SVIP: variants seen among roughly 807,000 people sequenced by gnomAD.
SVIP encodes the protein small VCP interacting protein.
In SVIP, 14 loss-of-function variants were observed where a neutral mutation model predicts 12.9. The observed-to-expected ratio is 1.08, with a 90% CI of 0.72 to 1.70. SVIP has a LOEUF of 1.70. Among genes scored for constraint, SVIP ranks in the 40% most tolerant of loss-of-function variants. The pLI is 0.00. For synonymous variants in SVIP, 35 were observed against 33.3 expected (o/e 1.05, Z -0.17); for missense variants, 93 against 90.8 (o/e 1.02, Z -0.10).
At chr11:22,827,736 G>T in intron 2 of SVIP, 88 bp downstream of exon 2, 1 of 1,043,348 alleles carries the variant, frequency 9.6e-7, no homozygotes, top group Non-Finnish European at 1.4e-6. Flanking sequence ...AAGGCCATTT[G>T]CGTTAGAAAA....
At chr11:22,828,774 T>G (rs1049850275) in intron 1 of SVIP, among the ~76,000 whole-genome samples, 3 of 152,184 alleles carry the variant, frequency 2.0e-5, no homozygotes, top group Admixed American at 2.0e-4. Flanking sequence ...CACATCAAAT[T>G]TATAAGTACT....
At position 22,820,728 on chromosome 11, in the gene SVIP, C is replaced by T. The variant is rs1311358742; in HGVS notation, c.*2391G>A. ...ACCAGCAGTGGAACAAACAGAAACA[C>T]AGAGATGTTTTAAAAAACATGCAGC... is the stretch of plus-strand genomic sequence containing the variant. On this transcript the variant is annotated 3_prime_UTR_variant, in exon 4 of 4. Coordinates refer to ENST00000354193, the MANE Select transcript of SVIP (RefSeq NM_148893.3). 6.6e-6 allele frequency: 1 copy of T among 152,046 alleles called. No individual in the cohort carries two copies. The highest frequency in any genetic ancestry group is 1.5e-5 in the Non-Finnish European group (1 of 67,994). 9.4% of individuals were successfully genotyped at this position (152,046 alleles called of 1,614,324 possible). A position where few individuals can be genotyped will look rare whatever the true frequency, so the allele number is the denominator to read the frequency against.
At chr11:22,823,806 C>A (rs572422231) in intron 3 of SVIP, among the ~76,000 whole-genome samples, 1 of 152,212 alleles carries the variant, frequency 6.6e-6, no homozygotes, top group African/African-American at 2.4e-5. Context: ...CTCACTGCAG[C>A]CTTAACCTCG....
rs748176418 is a variant in SVIP at position 22,823,068 on chromosome 11, T to G, written c.*51A>C. 7 of 1,483,010 alleles carry G rather than the reference T, an allele frequency of 4.7e-6. No individual in the cohort carries two copies. The highest frequency in any genetic ancestry group is 5.5e-6 in the Non-Finnish European group (6 of 1,089,378). 91.9% of individuals were successfully genotyped at this position (1,483,010 alleles called of 1,614,324 possible). ...ATTAAATTGATGAAGCCCACTTGAT[T>G]GCAGATAATAAACAGTTATTGGCAG... On this transcript the variant is annotated 3_prime_UTR_variant, in exon 4 of 4. Coordinates refer to ENST00000354193, the MANE Select transcript of SVIP (RefSeq NM_148893.3).
chr11:22,826,476 ATAC>A (rs1409527539), intron 3 of SVIP, among the ~76,000 whole-genome samples: 4 of 152,206 alleles, frequency 2.6e-5, no homozygotes. Context: ...TTTCACAAAT[ATAC>A]TACTATTTAC....
chr11:22,823,212 A>C, intron 3 of SVIP, 79 bp from the exon 4 acceptor site: 1 of 1,052,760 alleles, frequency 9.5e-7, no homozygotes, highest in Non-Finnish European at 1.4e-6. Context: ...CAAACAGGTA[A>C]AAAGAGGAAT....
chr11:22,824,445 C>CAT (rs1353475307), intron 3 of SVIP, among the ~76,000 whole-genome samples: 40 of 105,980 alleles, frequency 3.8e-4, no homozygotes, highest in African/African-American at 1.0e-3. Flanking sequence ...TACACACACA[C>CAT]ATATATATAT....
chr11:22,825,562 G>A (rs571898094), intron 3 of SVIP, among the ~76,000 whole-genome samples: 1 of 152,206 alleles, frequency 6.6e-6, no homozygotes, highest in Admixed American at 6.5e-5. Flanking sequence ...TTTCTTACAA[G>A]AACAGTACAC....
intron 3 of SVIP, 73 bp downstream of exon 3, chr11:22,827,134 T>A: frequency 1.7e-6 from 2 of 1,162,154 alleles, no homozygotes; most frequent in Non-Finnish European, 2.5e-6. Flanking sequence ...AGGAGAAAAT[T>A]ATGAATGGAT....
chr11:22,827,153 A>T, intron 3 of SVIP, 54 bp downstream of exon 3: 2 of 1,350,078 alleles, frequency 1.5e-6, no homozygotes, highest in Non-Finnish European at 2.1e-6. Context: ...ATTGCTACTT[A>T]AGTTTTTTTA....
rs533432524 is a variant in SVIP, at chr11:22,822,399, A to G, written c.*720T>C. The G allele has an allele frequency of 1.7e-4, 26 of 152,286 alleles. No homozygotes were observed. Among genetic ancestry groups the G allele is most frequent in the Admixed American group, 1.5e-3 (23 of 15,304 alleles). 9.4% of individuals were successfully genotyped at this position (152,286 alleles called of 1,614,324 possible). A position where few individuals can be genotyped will look rare whatever the true frequency, so the allele number is the denominator to read the frequency against. The stretch of plus-strand genomic sequence containing the variant: ...TTTAACTCATTCAATTACTACAAAG[A>G]TCCTTACAGAGCTGAATTTAATATA... On this transcript the variant is annotated 3_prime_UTR_variant, in exon 4 of 4. Transcript: ENST00000354193.
In SVIP at chr11:22,829,720, T is replaced by C; in HGVS notation, c.29A>G (p.Glu10Gly). Reference protein sequence around the residue: MGLCFPCPGESAPPTPDLEE... With the variant: MGLCFPCPGGSAPPTPDLEE... ...CAGGTCCGGCGTGGGAGGCGCGGAC[T>C]CCCCGGGACAAGGAAAACACAGCCC... Residue 10 changes from glutamate to glycine, a missense_variant, in exon 1 of 4, where the codon GAG becomes GGG. Physicochemically the swap from Glu to Gly is moderately conservative, Grantham distance 98 (BLOSUM62 -2). Transcript: ENST00000354193. The C allele has an allele frequency of 6.2e-7, 1 of 1,606,786 alleles. No individual in the cohort carries two copies. Among genetic ancestry groups the C allele is most frequent in the Non-Finnish European group, 8.5e-7 (1 of 1,177,474 alleles).
intron 3 of SVIP, among the ~76,000 whole-genome samples, chr11:22,825,356 G>A (rs1053801650): frequency 6.6e-6 from 1 of 152,032 alleles, no homozygotes; most frequent in Non-Finnish European, 1.5e-5. Flanking sequence ...GACATGTTGT[G>A]CATGTGTCAA....
chr11:22,819,113 A>G lies in SVIP; in HGVS notation c.*4006T>C, dbSNP rs1272881627. 6.6e-6 allele frequency: 1 copy of G among 152,200 alleles called. No individual in the cohort carries two copies. The highest frequency in any genetic ancestry group is 6.5e-5 in the Admixed American group (1 of 15,278). The allele number at this position is 152,200 out of a possible 1,614,324, so 9.4% of individuals were successfully genotyped here. On this transcript the variant is annotated 3_prime_UTR_variant, in exon 4 of 4. Transcript: ENST00000354193. ...TACTTTTCATTCTGCAAGATTACTA[A>G]AGTCATTTATTAGTTCCAGAAGTTT...
At chr11:22,827,353 C>CT (rs765222983) in intron 2 of SVIP, 33 bp from the exon 3 acceptor site, 1 of 1,546,284 alleles carries the variant, frequency 6.5e-7, no homozygotes. Flanking sequence ...AACAGAAAGA[C>CT]AACAAAAATC....
In SVIP at chr11:22,821,468, A is replaced by C. The variant is rs1234267241; in HGVS notation, c.*1651T>G. 2.0e-5 allele frequency: 3 copies of C among 152,196 alleles called. No individual in the cohort carries two copies. Among genetic ancestry groups the C allele is most frequent in the African/African-American group, 4.8e-5 (2 of 41,442 alleles). The allele number at this position is 152,196 out of a possible 1,614,324, so 9.4% of individuals were successfully genotyped here. A position where few individuals can be genotyped will look rare whatever the true frequency, so the allele number is the denominator to read the frequency against. On this transcript the variant is annotated 3_prime_UTR_variant, in exon 4 of 4. Coordinates refer to ENST00000354193, the MANE Select transcript of SVIP (RefSeq NM_148893.3). ...AAATAGGGCATGATTCCCTGGAAGTAAGTCACTTACACCAACCCAAGTTCT... is the reference window on the plus strand; with the variant it reads ...AAATAGGGCATGATTCCCTGGAAGTCAGTCACTTACACCAACCCAAGTTCT...
chr11:22,827,330 A>G lies in SVIP; in HGVS notation c.106-10T>C, dbSNP rs1383219519. 1.3e-6 allele frequency: 2 copies of G among 1,585,198 alleles called. No homozygotes were observed. The highest frequency in any genetic ancestry group is 1.7e-6 in the Non-Finnish European group (2 of 1,169,424). On this transcript the variant is annotated splice_polypyrimidine_tract_variant and intron_variant, in intron 2 of 3. Coordinates refer to ENST00000354193, the MANE Select transcript of SVIP (RefSeq NM_148893.3). ...TTCCCCGAGATGCAGCCTTGAAGAA[A>G]TTTGATAAGAAAAACAGAAAGACAA...
Position 22,827,230 on chromosome 11 carries a change from G to A in SVIP, c.196C>T (p.Pro66Ser). The change falls in exon 3 of 4, where the codon CCC (proline) becomes TCC (serine). Residue 66 changes from proline (P) to serine (S), a missense_variant. Coordinates refer to ENST00000354193, the MANE Select transcript of SVIP (RefSeq NM_148893.3). The part of the protein sequence containing the change: ...KIEKQIATSG[P>S]PPEGGLRWTV... ...ACCCTAAGTCCACCTTCTGGTGGGGGCCCGGATGTAGCAATTTGTTTTTCT... is the reference window on the plus strand; with the variant it reads ...ACCCTAAGTCCACCTTCTGGTGGGGACCCGGATGTAGCAATTTGTTTTTCT... 6 of 1,609,172 alleles carry A rather than the reference G, an allele frequency of 3.7e-6. No homozygotes were observed. The highest frequency in any genetic ancestry group is 2.3e-5 in the East Asian group (1 of 44,378).
Position 22,821,612 on chromosome 11 carries a change from C to T in SVIP, c.*1507G>A, listed in dbSNP as rs924304433. Reference sequence around the variant, plus strand: ...TATATGCACTCCGCTATCAATCATTCCTTTTACTTTCTGCCTTGAAAAAAT... The same window carrying T: ...TATATGCACTCCGCTATCAATCATTTCTTTTACTTTCTGCCTTGAAAAAAT... On this transcript the variant is annotated 3_prime_UTR_variant, in exon 4 of 4. Transcript: ENST00000354193. The T allele has an allele frequency of 6.6e-6, 1 of 152,110 alleles. No individual in the cohort carries two copies. The highest frequency in any genetic ancestry group is 6.5e-5 in the Admixed American group (1 of 15,274). 9.4% of individuals were successfully genotyped at this position (152,110 alleles called of 1,614,324 possible).
Sources: allele counts gnomAD v4.1 joint callset (sites outside exome capture counted in the v4.1 genomes callset), GRCh38; gene constraint gnomAD v4.1.1; transcripts MANE v1.5; gene names NCBI Gene and HGNC (gene_info 2026-07-23, HGNC 2026-07-21).